Variants in SLC37A3 observed in about 807,000 individuals in gnomAD.
The protein encoded by SLC37A3 is sugar phosphate exchanger 3.
A neutral mutation model predicts 67.1 loss-of-function variants in SLC37A3; 51 were observed. That is an observed-to-expected ratio of 0.76 (90% CI 0.61 to 0.96). The LOEUF (loss-of-function observed/expected upper bound fraction) is 0.96. SLC37A3 is among the 40% of genes least tolerant of loss of function. The pLI is 0.00. For missense variants in SLC37A3, 508 were observed against 603.0 expected, an observed-to-expected ratio of 0.84 and a Z score of 1.65; for synonymous variants, 214 against 231.4, an observed-to-expected ratio of 0.92 and a Z score of 0.68.
chr7:140,351,979 A>C (rs1483449948), intron 8 of SLC37A3, 83 bp downstream of exon 8: 1 of 1,357,510 alleles, frequency 7.4e-7, no homozygotes, highest in Non-Finnish European at 1.0e-6. Context: ...CCTAGGAAAA[A>C]AGAGATTCGA....
At chr7:140,366,135 G>C (rs796745584) in intron 4 of SLC37A3, among the ~76,000 whole-genome samples, 4 of 151,726 alleles carry the variant, frequency 2.6e-5, no homozygotes, top group African/African-American at 9.7e-5. Flanking sequence ...GGCCAGTTTG[G>C]TCTTGAAGTA....
intron 10 of SLC37A3, among the ~76,000 whole-genome samples, chr7:140,347,492 C>A (rs928676650): frequency 6.6e-6 from 1 of 152,102 alleles, no homozygotes; most frequent in Admixed American, 6.6e-5. Flanking sequence ...TGAGGTCTAA[C>A]GGTGGCAACC....
At chr7:140,358,489 G>A (rs931632216) in intron 6 of SLC37A3, 151 bp downstream of exon 6, 38 of 1,073,064 alleles carry the variant, frequency 3.5e-5, no homozygotes, top group Admixed American at 8.8e-5. Flanking sequence ...GCACACTGAC[G>A]TGAAACCCTC....
At chr7:140,362,427 G>C (rs976168982) in intron 5 of SLC37A3, among the ~76,000 whole-genome samples, 7 of 141,372 alleles carry the variant, frequency 5.0e-5, no homozygotes, top group Middle Eastern at 4.0e-3. Flanking sequence ...GTGGGGGGGG[G>C]GGTCAGCCCC....
chr7:140,396,399 A>G (rs1322458748), intron 1 of SLC37A3, among the ~76,000 whole-genome samples: 2 of 152,114 alleles, frequency 1.3e-5, no homozygotes, highest in Non-Finnish European at 2.9e-5. Context: ...TTTATTCATT[A>G]ATTCATCCGT....
intron 5 of SLC37A3, among the ~76,000 whole-genome samples, chr7:140,361,767 G>C (rs2117143475): frequency 6.8e-6 from 1 of 147,426 alleles, no homozygotes; most frequent in Non-Finnish European, 1.5e-5. Flanking sequence ...GGCCGGGCTG[G>C]TCTCCAGCTC....
intron 4 of SLC37A3, among the ~76,000 whole-genome samples, chr7:140,367,387 G>C (rs914363064): frequency 6.6e-6 from 1 of 152,078 alleles, no homozygotes; most frequent in South Asian, 2.1e-4. Flanking sequence ...AGTGAGCTGA[G>C]ATAGCACCAT....
At chr7:140,335,995 A>G (rs1301230499) in intron 14 of SLC37A3, among the ~76,000 whole-genome samples, 1 of 152,242 alleles carries the variant, frequency 6.6e-6, no homozygotes, top group Non-Finnish European at 1.5e-5. Flanking sequence ...CTCCTTGACC[A>G]CAGCAAGAGG....
At chr7:140,350,220 G>C (rs1268055478) in intron 9 of SLC37A3, among the ~76,000 whole-genome samples, 1 of 152,138 alleles carries the variant, frequency 6.6e-6, no homozygotes, top group Non-Finnish European at 1.5e-5. Flanking sequence ...ATGGGAAGGG[G>C]AACTGAGACA....
At chr7:140,393,353 A>C (rs1382857524) in intron 1 of SLC37A3, among the ~76,000 whole-genome samples, 1 of 152,196 alleles carries the variant, frequency 6.6e-6, no homozygotes, top group Non-Finnish European at 1.5e-5. Flanking sequence ...CCTCACTGAC[A>C]TGAAGGAATC....
intron 3 of SLC37A3, among the ~76,000 whole-genome samples, chr7:140,373,002 A>C (rs1433533255): frequency 1.3e-5 from 2 of 152,198 alleles, no homozygotes; most frequent in South Asian, 4.2e-4. Context: ...CCCAGGCTGG[A>C]GTGCAATGGC....
chr7:140,368,046 C>A (rs560655572), intron 4 of SLC37A3, among the ~76,000 whole-genome samples: 1 of 151,736 alleles, frequency 6.6e-6, no homozygotes, highest in Non-Finnish European at 1.5e-5. Flanking sequence ...ACTCCTGACC[C>A]CAAGTTATCC....
chr7:140,381,002 A>G (rs1450019099), intron 2 of SLC37A3, among the ~76,000 whole-genome samples: 17 of 150,526 alleles, frequency 1.1e-4, no homozygotes, highest in African/African-American at 2.2e-4. Context: ...ATTCAAGCCA[A>G]TTCTCCTGCC....
At chr7:140,391,730 C>T (rs775886100) in intron 1 of SLC37A3, among the ~76,000 whole-genome samples, 1 of 152,136 alleles carries the variant, frequency 6.6e-6, no homozygotes, top group South Asian at 2.1e-4. Context: ...AGGACATATA[C>T]CCCTCCTGAG....
At chr7:140,340,697 G>A (rs1459402110) in intron 13 of SLC37A3, among the ~76,000 whole-genome samples, 1 of 151,656 alleles carries the variant, frequency 6.6e-6, no homozygotes, top group African/African-American at 2.4e-5. Flanking sequence ...GGGAGGCTGA[G>A]GCAGGAGGAT....
chr7:140,348,699 C>G lies in SLC37A3; in HGVS notation c.951G>C (p.Leu317=). Residue 317 remains leucine, a synonymous_variant, in exon 10 of 15, where the codon CTG becomes CTC. Transcript: ENST00000326232. ...YSFFFWLPFY[L]SNNFGWKEAE... ...CCTCCTTCCAGCCGAAGTTGTTACT[C>G]AGATAAAAGGGGAGCCAGAAGAAGA... is the stretch of plus-strand genomic sequence containing the variant. 4 of 1,614,140 alleles carry G rather than the reference C, an allele frequency of 2.5e-6. No homozygotes were observed. Among genetic ancestry groups the G allele is most frequent in the South Asian group, 2.2e-5 (2 of 91,082 alleles).
At chr7:140,350,334 C>T (rs756555608) in intron 9 of SLC37A3, among the ~76,000 whole-genome samples, 10 of 152,014 alleles carry the variant, frequency 6.6e-5, no homozygotes, top group East Asian at 3.9e-4. Context: ...CTAGAGTGCC[C>T]GAAACATCAA....
In SLC37A3 at chr7:140,337,272, G is replaced by T; in HGVS notation, c.1392+12C>A. 1 of 1,570,438 alleles carries T rather than the reference G, an allele frequency of 6.4e-7. No individual in the cohort carries two copies. The highest frequency in any genetic ancestry group is 1.2e-5 in the South Asian group (1 of 83,756). On this transcript the variant is annotated intron_variant, in intron 14 of 14. Transcript: ENST00000326232. ...AAATGACTTTTTTTTTTTTAAAGGG[G>T]CACACACTTACCATGAGAATGAAAA...
Position 140,367,141 on chromosome 7 carries a change from T to TA in SLC37A3, c.291+2448dup, listed in dbSNP as rs1265649477. 6.0e-4 allele frequency among the ~76,000 whole-genome samples: 68 copies of TA among 113,754 alleles called. 1 individual carries two copies. Among genetic ancestry groups the TA allele is most frequent in the East Asian group, 1.6e-3 (6 of 3,766 alleles). The allele number at this position is 113,754 out of a possible 152,430, so 74.6% of individuals were successfully genotyped here. ...CAACACAGCAAGACTCCATCTCAAA[T>TA]AAAAAAAAAAATAGGCCAGGCATGG... is the stretch of plus-strand genomic sequence containing the variant. On this transcript the variant is annotated intron_variant, in intron 4 of 14. Coordinates refer to ENST00000326232, the MANE Select transcript of SLC37A3 (RefSeq NM_207113.3).
Sources: gnomAD v4.1 joint callset for allele counts (sites outside exome capture counted in the v4.1 genomes callset) on GRCh38, gnomAD v4.1.1 for gene constraint, MANE v1.5 for transcripts, NCBI Gene and HGNC (gene_info 2026-07-23, HGNC 2026-07-21) for gene names.